Variants in INTS4 observed in about 807,000 individuals in gnomAD.
INTS4 encodes integrator complex subunit 4.
A neutral mutation model predicts 119.5 loss-of-function variants in INTS4; 70 were observed. That is an observed-to-expected ratio of 0.59 (90% CI 0.48 to 0.71). INTS4 has a LOEUF of 0.71. INTS4 is among the 30% of genes least tolerant of loss of function. The pLI, the probability that INTS4 is intolerant of heterozygous loss-of-function variation, is 0.00. For synonymous variants in INTS4, 316 were observed against 419.6 expected, an observed-to-expected ratio of 0.75 and a Z score of 3.02; for missense variants, 867 against 1,173.2, an observed-to-expected ratio of 0.74 and a Z score of 3.81.
chr11:77,933,705 C>T (rs1953718687), intron 10 of INTS4, among the ~76,000 whole-genome samples: 1 of 152,002 alleles, frequency 6.6e-6, no homozygotes, highest in Non-Finnish European at 1.5e-5. Context: ...ATGTGAGGAG[C>T]CCCTCTGCCC....
intron 4 of INTS4, among the ~76,000 whole-genome samples, chr11:77,970,374 G>A (rs895736540): frequency 6.6e-6 from 1 of 151,914 alleles, no homozygotes; most frequent in Non-Finnish European, 1.5e-5. Flanking sequence ...ACTCCAGCTT[G>A]GGTGACAGAG....
intron 9 of INTS4, among the ~76,000 whole-genome samples, chr11:77,939,862 AAAAC>A (rs760664865): frequency 9.9e-5 from 15 of 151,212 alleles, no homozygotes; most frequent in African/African-American, 2.7e-4. Context: ...AAAAAAAAAC[AAAAC>A]AAACAAACAA....
chr11:77,907,827 C>T lies in INTS4; in HGVS notation c.1923-17G>A, dbSNP rs763036024. The T allele has an allele frequency of 1.3e-6, 2 of 1,538,838 alleles. No individual in the cohort carries two copies. Among genetic ancestry groups the T allele is most frequent in the East Asian group, 2.3e-5 (1 of 44,332 alleles). ...TGCAGATCCCTATAGTAAATAAAAC[C>T]CCCAAGGCAAACACAGGATAAGGAT... On this transcript the variant is annotated splice_polypyrimidine_tract_variant and intron_variant, in intron 15 of 22. Transcript: ENST00000534064.
intron 8 of INTS4, among the ~76,000 whole-genome samples, chr11:77,944,156 G>A (rs113641876): frequency 7.3e-5 from 11 of 151,592 alleles, no homozygotes; most frequent in Non-Finnish European, 1.0e-4. Context: ...ATTTTCTGAT[G>A]TAACACATAT....
chr11:77,960,410 G>A lies in INTS4; in HGVS notation c.658-19C>T, dbSNP rs761457958. 6.5e-7 allele frequency: 1 copy of A among 1,542,936 alleles called. No homozygotes were observed. Among genetic ancestry groups the A allele is most frequent in the East Asian group, 2.3e-5 (1 of 44,414 alleles). Reference sequence around the variant, plus strand: ...GCTGCAACTAGATAATAAATATATAGTTTAAGTGCTTGGGAGGAAAAGAGC... The same window carrying A: ...GCTGCAACTAGATAATAAATATATAATTTAAGTGCTTGGGAGGAAAAGAGC... On this transcript the variant is annotated intron_variant, in intron 5 of 22. Transcript: ENST00000534064.
At chr11:77,933,907 T>C (rs544464403) in intron 10 of INTS4, among the ~76,000 whole-genome samples, 6 of 152,216 alleles carry the variant, frequency 3.9e-5, no homozygotes, top group South Asian at 2.1e-4. Flanking sequence ...CAGCAGCTCA[T>C]TGAGAGCGGG....
rs769004642 is a variant in INTS4 at position 77,883,879 on chromosome 11, C to T, written c.2666G>A (p.Arg889Gln). Residue 889 changes from arginine (R) to glutamine (Q), a missense_variant, in exon 22 of 23, where the codon CGG becomes CAG. By Grantham distance (43) the Arg-to-Gln change is conservative. Transcript: ENST00000534064. ...PADFRNPGPG[R>Q]HRLITQVYLS... ...ATAAACCTGAGTGATGAGCCGGTGC[C>T]GCCCTGGGCCAGGATTCCGGAAGTC... 1.6e-5 allele frequency: 26 copies of T among 1,612,754 alleles called. No homozygotes were observed. The highest frequency in any genetic ancestry group is 2.7e-5 in the African/African-American group (2 of 74,878).
chr11:77,886,189 C>CA (rs1184096338), intron 21 of INTS4, among the ~76,000 whole-genome samples: 1 of 151,876 alleles, frequency 6.6e-6, no homozygotes, highest in Non-Finnish European at 1.5e-5. Context: ...AGGCAACAGA[C>CA]AGAGACCTTG....
intron 2 of INTS4, among the ~76,000 whole-genome samples, chr11:77,982,126 T>C (rs1253466414): frequency 6.6e-6 from 1 of 151,322 alleles, no homozygotes; most frequent in Non-Finnish European, 1.5e-5. Context: ...GAATCTTTCA[T>C]TCTACCTGTC....
At chr11:77,947,256 A>C (rs970672636) in intron 8 of INTS4, among the ~76,000 whole-genome samples, 5 of 152,228 alleles carry the variant, frequency 3.3e-5, no homozygotes, top group African/African-American at 9.6e-5. Flanking sequence ...ATGATAGCTG[A>C]AAACTTGCCA....
At chr11:77,893,621 G>A (rs536343504) in intron 19 of INTS4, among the ~76,000 whole-genome samples, 4 of 151,840 alleles carry the variant, frequency 2.6e-5, no homozygotes, top group Admixed American at 6.6e-5. Flanking sequence ...CAGACACGGC[G>A]GTGGCTCACG....
intron 10 of INTS4, among the ~76,000 whole-genome samples, chr11:77,934,966 C>T (rs1203678805): frequency 4.6e-5 from 7 of 152,078 alleles, no homozygotes; most frequent in Admixed American, 2.0e-4. Context: ...CTTTTAAGAC[C>T]TCGCACAGGT....
intron 12 of INTS4, chr11:77,924,526 A>G: frequency 2.0e-6 from 1 of 497,272 alleles, no homozygotes; most frequent in South Asian, 3.3e-5. Flanking sequence ...GGCACATAAT[A>G]TTTGCTAGGT....
chr11:77,937,807 A>C (rs999159740), intron 10 of INTS4, among the ~76,000 whole-genome samples: 4 of 147,466 alleles, frequency 2.7e-5, no homozygotes, highest in African/African-American at 1.0e-4. Flanking sequence ...TCCCACAAAA[A>C]TATCTTTCTG....
intron 15 of INTS4, chr11:77,910,947 T>C (rs999146854): frequency 2.4e-6 from 3 of 1,239,622 alleles, no homozygotes; most frequent in African/African-American, 3.1e-5. Context: ...AAATTCTGAA[T>C]AGAAATGGAA....
At chr11:77,987,173 A>C (rs1051671794) in intron 2 of INTS4, 4 of 152,196 alleles carry the variant, frequency 2.6e-5, no homozygotes, top group African/African-American at 9.7e-5. Flanking sequence ...GAAGCCAGGT[A>C]ATGGGTACAT....
downstream of INTS4, among the ~76,000 whole-genome samples, chr11:77,877,295 A>G (rs1485673466): frequency 6.6e-6 from 1 of 152,248 alleles, no homozygotes; most frequent in African/African-American, 2.4e-5. Context: ...ACTGCCAGGT[A>G]CACCCAAGTA....
chr11:77,961,172 A>G (rs768197791), intron 4 of INTS4, 34 bp from the exon 5 acceptor site: 4 of 1,523,570 alleles, frequency 2.6e-6, no homozygotes, highest in Admixed American at 2.3e-5. Context: ...AAAAAAAGAA[A>G]AAGAAAAAAA....
At chr11:77,878,425 G>A (rs1287036706), downstream of INTS4, among the ~76,000 whole-genome samples, 1 of 151,984 alleles carries the variant, frequency 6.6e-6, no homozygotes, top group African/African-American at 2.4e-5. Context: ...TCAGTCCTTG[G>A]CCCAGCTACT....
Sources: gnomAD v4.1 joint callset for allele counts (sites outside exome capture counted in the v4.1 genomes callset) on GRCh38, gnomAD v4.1.1 for gene constraint, MANE v1.5 for transcripts, NCBI Gene and HGNC (gene_info 2026-07-23, HGNC 2026-07-21) for gene names.